Variants in IMMP2L observed in about 807,000 individuals in gnomAD.
IMMP2L encodes inner mitochondrial membrane peptidase subunit 2, also known as mitochondrial inner membrane protease subunit 2.
Under a neutral mutation model 19.3 loss-of-function variants are expected in IMMP2L, and 18 were observed. The observed-to-expected ratio is 0.93, with a 90% CI of 0.64 to 1.38. The LOEUF (loss-of-function observed/expected upper bound fraction) is 1.38, where lower values mean the gene tolerates loss of function less well. Among genes scored for constraint, IMMP2L ranks in the 40% most tolerant of loss-of-function variants. The pLI, the probability that IMMP2L is intolerant of heterozygous loss-of-function variation, is 0.00. For missense variants in IMMP2L, 233 were observed against 218.2 expected, an observed-to-expected ratio of 1.07 and a Z score of -0.43; for synonymous variants, 76 against 73.0, an observed-to-expected ratio of 1.04 and a Z score of -0.21.
intron 5 of IMMP2L, among the ~76,000 whole-genome samples, chr7:110,814,401 G>A (rs190308965): frequency 2.0e-5 from 3 of 149,972 alleles, no homozygotes; most frequent in Admixed American, 1.3e-4. Context: ...AGATGAAAAT[G>A]TATATGACCT....
At chr7:111,018,784 CTTTTTATTATTATTA>C (rs1825961914) in intron 3 of IMMP2L, among the ~76,000 whole-genome samples, 1 of 120,968 alleles carries the variant, frequency 8.3e-6, no homozygotes, top group South Asian at 2.6e-4. Flanking sequence ...AATTGTGTGT[CTTTTTATTATTATTA>C]TTATTATTAT....
chr7:111,349,904 C>A (rs748907886), intron 3 of IMMP2L, among the ~76,000 whole-genome samples: 1 of 152,008 alleles, frequency 6.6e-6, no homozygotes, highest in Non-Finnish European at 1.5e-5. Flanking sequence ...CGACCCACAC[C>A]CAATATCATG....
intron 5 of IMMP2L, among the ~76,000 whole-genome samples, chr7:110,714,017 G>A (rs1346752586): frequency 6.6e-6 from 1 of 152,126 alleles, no homozygotes; most frequent in African/African-American, 2.4e-5. Flanking sequence ...TTCTCAAGGG[G>A]AATGCCTCCT....
intron 3 of IMMP2L, among the ~76,000 whole-genome samples, chr7:111,188,859 T>C (rs909018911): frequency 6.6e-6 from 1 of 152,154 alleles, no homozygotes; most frequent in African/African-American, 2.4e-5. Flanking sequence ...CAGAATAACA[T>C]CTTTTTCAAT....
chr7:111,129,206 G>C (rs1163286174), intron 3 of IMMP2L, among the ~76,000 whole-genome samples: 2 of 151,982 alleles, frequency 1.3e-5, no homozygotes, highest in African/African-American at 4.8e-5. Flanking sequence ...AAAATATGAG[G>C]AAATAATTCT....
chr7:110,982,789 A>AT (rs1382622053), intron 3 of IMMP2L, among the ~76,000 whole-genome samples: 4 of 152,106 alleles, frequency 2.6e-5, no homozygotes. Context: ...GGATAAAGGT[A>AT]TTTTTTGTAA....
chr7:111,047,220 C>T (rs1792495337), intron 3 of IMMP2L, among the ~76,000 whole-genome samples: 1 of 151,324 alleles, frequency 6.6e-6, no homozygotes, highest in East Asian at 1.9e-4. Context: ...CAGAGTTTCA[C>T]TCTTGTTGCC....
intron 2 of IMMP2L, among the ~76,000 whole-genome samples, chr7:111,499,435 T>G (rs780498239): frequency 6.6e-6 from 1 of 152,094 alleles, no homozygotes; most frequent in Non-Finnish European, 1.5e-5. Context: ...ATGTTTGCAA[T>G]AGGATTCATA....
intron 3 of IMMP2L, among the ~76,000 whole-genome samples, chr7:111,232,255 T>G (rs955319364): frequency 1.3e-5 from 2 of 151,884 alleles, no homozygotes; most frequent in African/African-American, 4.8e-5. Context: ...CTTAGACTCA[T>G]GTATAGAATG....
intron 1 of IMMP2L, among the ~76,000 whole-genome samples, chr7:111,521,837 G>A (rs965172463): frequency 6.6e-6 from 1 of 152,118 alleles, no homozygotes; most frequent in Non-Finnish European, 1.5e-5. Flanking sequence ...ACATGTGGCT[G>A]CCCAACTAAA....
At chr7:111,336,162 T>G (rs1826382152) in intron 3 of IMMP2L, among the ~76,000 whole-genome samples, 1 of 151,682 alleles carries the variant, frequency 6.6e-6, no homozygotes, top group African/African-American at 2.4e-5. Context: ...TCCTCCTGCC[T>G]CAGCCCCCCA....
At chr7:111,079,261 GCGCCCGCCACTA>G (rs1273292542) in intron 3 of IMMP2L, among the ~76,000 whole-genome samples, 2 of 138,222 alleles carry the variant, frequency 1.4e-5, no homozygotes, top group Non-Finnish European at 3.2e-5. Flanking sequence ...GGGACTACAG[GCGCCCGCCACTA>G]CGCCCGGCTA....
At chr7:111,553,875 C>G (rs1173943592) in intron 1 of IMMP2L, among the ~76,000 whole-genome samples, 3 of 152,180 alleles carry the variant, frequency 2.0e-5, no homozygotes, top group Non-Finnish European at 4.4e-5. Flanking sequence ...TTGTTATAAT[C>G]ACATCTGCAT....
At chr7:110,794,860 T>C (rs1035618594) in intron 5 of IMMP2L, among the ~76,000 whole-genome samples, 1 of 152,080 alleles carries the variant, frequency 6.6e-6, no homozygotes, top group African/African-American at 2.4e-5. Flanking sequence ...AATGAATTAA[T>C]TAATAAATAA....
At chr7:111,552,357 T>A (rs959762555) in intron 1 of IMMP2L, among the ~76,000 whole-genome samples, 2 of 152,142 alleles carry the variant, frequency 1.3e-5, no homozygotes, top group Non-Finnish European at 2.9e-5. Context: ...GCACAATCTC[T>A]GCCCACTGCA....
intron 2 of IMMP2L, among the ~76,000 whole-genome samples, chr7:111,499,355 C>G (rs1422873326): frequency 2.0e-5 from 3 of 152,066 alleles, no homozygotes; most frequent in Admixed American, 1.3e-4. Flanking sequence ...CCCTCTAGCT[C>G]CAATGAATCA....
At chr7:111,006,687 T>G (rs1824323534) in intron 3 of IMMP2L, among the ~76,000 whole-genome samples, 1 of 152,166 alleles carries the variant, frequency 6.6e-6, no homozygotes, top group African/African-American at 2.4e-5. Flanking sequence ...TCTGATTGTT[T>G]CAGCTGCCTC....
intron 5 of IMMP2L, among the ~76,000 whole-genome samples, chr7:110,817,016 T>C (rs566562466): frequency 2.0e-5 from 3 of 152,274 alleles, no homozygotes; most frequent in African/African-American, 7.2e-5. Context: ...ATTATGATGT[T>C]AGCTGGTTAT....
chr7:111,031,708 G>A (rs1339954605), intron 3 of IMMP2L, among the ~76,000 whole-genome samples: 2 of 152,036 alleles, frequency 1.3e-5, no homozygotes, highest in Non-Finnish European at 2.9e-5. Context: ...CTTGAGTGTG[G>A]GCTGCTCATA....
Sources: gnomAD v4.1 joint callset for allele counts (sites outside exome capture counted in the v4.1 genomes callset) on GRCh38, gnomAD v4.1.1 for gene constraint, MANE v1.5 for transcripts, NCBI Gene and HGNC (gene_info 2026-07-23, HGNC 2026-07-21) for gene names.